The following SULT1C3 variants were observed in gnomAD, a reference collection of about 807,000 sequenced individuals.
SULT1C3 encodes sulfotransferase 1C3.
Under a neutral mutation model 28.4 loss-of-function variants are expected in SULT1C3, and 31 were observed. That is an observed-to-expected ratio of 1.09 (90% CI 0.82 to 1.47). The LOEUF (loss-of-function observed/expected upper bound fraction) is 1.47. Among genes scored for constraint, SULT1C3 ranks in the 40% most tolerant of loss-of-function variants. The pLI, the probability that SULT1C3 is intolerant of heterozygous loss-of-function variation, is 0.00. For synonymous variants in SULT1C3, 106 were observed against 92.2 expected (o/e 1.15, Z -0.86); for missense variants, 307 against 272.5 (o/e 1.13, Z -0.89).
At chr2:108,246,847 C>T (rs183848689) in intron 1 of SULT1C3, among the ~76,000 whole-genome samples, 3 of 152,202 alleles carry the variant, frequency 2.0e-5, no homozygotes, top group East Asian at 3.9e-4. Context: ...TCCCGATTAA[C>T]AAGTAATATG....
chr2:108,258,619 G>T (rs761546681), intron 5 of SULT1C3, 115 bp from the exon 6 acceptor site: 3 of 734,780 alleles, frequency 4.1e-6, no homozygotes, highest in East Asian at 2.6e-5. Context: ...TTTCCACTTC[G>T]TTAAGGAACC....
chr2:108,249,952 T>C (rs1675688202), intron 2 of SULT1C3, among the ~76,000 whole-genome samples: 2 of 151,976 alleles, frequency 1.3e-5, no homozygotes, highest in African/African-American at 2.4e-5. Context: ...CTCAAAAAAT[T>C]AAAATTAAAT....
chr2:108,256,158 G>C (rs1182675637), intron 5 of SULT1C3, among the ~76,000 whole-genome samples: 1 of 151,950 alleles, frequency 6.6e-6, no homozygotes, highest in Non-Finnish European at 1.5e-5. Context: ...TCACCTGCAG[G>C]AACCTCACAT....
Position 108,258,827 on chromosome 2 carries a change from A to T in SULT1C3, c.620A>T (p.Lys207Ile). The change falls in exon 6 of 8, where the codon AAA (lysine) becomes ATA (isoleucine). Residue 207 changes from lysine to isoleucine, a missense_variant and splice_region_variant. Transcript: ENST00000681802. ...TACCTCTTCTACGAGGATATTAAAA[A>T]AGTAAGTGGCACTGAGACTTATAGG... Reference protein sequence around the residue: ...ILYLFYEDIKKNPKHEIHKVL... With the variant: ...ILYLFYEDIKINPKHEIHKVL... 6.2e-7 allele frequency: 1 copy of T among 1,610,794 alleles called. No individual in the cohort carries two copies. Among genetic ancestry groups the T allele is most frequent in the East Asian group, 2.2e-5 (1 of 44,738 alleles).
chr2:108,264,467 A>G (rs1002023841), downstream of SULT1C3, among the ~76,000 whole-genome samples: 1 of 152,110 alleles, frequency 6.6e-6, no homozygotes, highest in South Asian at 2.1e-4. Flanking sequence ...CCTCCTTCAC[A>G]CAGCCTTTCC....
Sources: gnomAD v4.1 joint callset for allele counts (sites outside exome capture counted in the v4.1 genomes callset) on GRCh38, gnomAD v4.1.1 for gene constraint, MANE v1.5 for transcripts, NCBI Gene and HGNC (gene_info 2026-07-23, HGNC 2026-07-21) for gene names.